TP73: variants seen among roughly 807,000 people sequenced by gnomAD.
The protein encoded by TP73 is p53-like transcription factor.
A neutral mutation model predicts 62.5 loss-of-function variants in TP73; 25 were observed. The ratio of observed to expected loss-of-function variants is 0.40; its 90% confidence interval spans 0.29 to 0.56. TP73 has a LOEUF of 0.56. TP73 is among the 20% of genes least tolerant of loss of function. TP73 has a pLI of 0.46. For missense variants in TP73, 754 were observed against 913.3 expected (o/e 0.83, Z 2.25); for synonymous variants, 423 against 377.5 (o/e 1.12, Z -1.40).
intron 3 of TP73, among the ~76,000 whole-genome samples, chr1:3,692,787 G>C (rs371635310): frequency 7.2e-5 from 11 of 152,108 alleles, no homozygotes; most frequent in African/African-American, 2.7e-4. Context: ...TCACCCTCTC[G>C]GGGGACTCCA....
chr1:3,705,008 G>A (rs1275697121), intron 3 of TP73, among the ~76,000 whole-genome samples: 1 of 152,226 alleles, frequency 6.6e-6, no homozygotes, highest in African/African-American at 2.4e-5. Context: ...AGCCAGGAGA[G>A]GCGAGGGTCA....
chr1:3,697,819 T>A (rs979023528), intron 3 of TP73, among the ~76,000 whole-genome samples: 2 of 152,202 alleles, frequency 1.3e-5, no homozygotes, highest in African/African-American at 4.8e-5. Flanking sequence ...TGAGCAAGCA[T>A]GCTGCTGTCT....
chr1:3,669,635 C>G (rs999255939), intron 1 of TP73, among the ~76,000 whole-genome samples: 2 of 152,260 alleles, frequency 1.3e-5, no homozygotes, highest in Non-Finnish European at 2.9e-5. Context: ...TTTGTGGCCC[C>G]GGAGCCTCTC....
intron 4 of TP73, among the ~76,000 whole-genome samples, chr1:3,716,145 C>A (rs1449390464): frequency 6.6e-6 from 1 of 152,192 alleles, no homozygotes; most frequent in African/African-American, 2.4e-5. Context: ...CTCTAGCAGG[C>A]CTCCGTCAGG....
chr1:3,686,238 C>T (rs563893115), intron 3 of TP73, among the ~76,000 whole-genome samples: 48 of 152,336 alleles, frequency 3.2e-4, no homozygotes, highest in Middle Eastern at 3.4e-3. Context: ...GCGTGCCTTC[C>T]GCATCTGGGG....
Position 3,698,182 on chromosome 1 carries a change from G to A in TP73, c.187-9367G>A, listed in dbSNP as rs543098369. 3.6e-5 allele frequency: 34 copies of A among 945,992 alleles called. No individual in the cohort carries two copies. The African/African-American group carries it at 6.0e-4, about 17-fold the overall frequency. 58.6% of individuals were successfully genotyped at this position (945,992 alleles called of 1,614,324 possible). On this transcript the variant is annotated intron_variant, in intron 3 of 13. Transcript: ENST00000378295. ...TGGATGGGCAGACAGATGGGCAGGG[G>A]CATGTGTGCAAGGACACAGGATGTC...
intron 6 of TP73, among the ~76,000 whole-genome samples, chr1:3,726,887 T>C (rs1641683824): frequency 6.9e-6 from 1 of 144,082 alleles, no homozygotes; most frequent in Admixed American, 6.8e-5. Context: ...GATGGATGAA[T>C]AGATAAATGG....
chr1:3,662,754 C>A lies in TP73; in HGVS notation c.-34+10113C>A, dbSNP rs985638374. On this transcript the variant is annotated intron_variant, in intron 1 of 13. Transcript: ENST00000378295. The surrounding 1 kb of genome is among the most constrained non-coding windows in gnomAD (Gnocchi z 4.4). Reference sequence around the variant, plus strand: ...CCAGGTGTCAGGGCTATGGAGGGGACATTGCAAGGGGGCCTAGAGGGGCCT... The same window carrying A: ...CCAGGTGTCAGGGCTATGGAGGGGAAATTGCAAGGGGGCCTAGAGGGGCCT... Among the ~76,000 whole-genome samples the A allele has an allele frequency of 2.6e-4, 40 of 152,184 alleles. No individual in the cohort carries two copies. Among genetic ancestry groups the A allele is most frequent in the African/African-American group, 9.4e-4 (39 of 41,526 alleles).
Position 3,699,796 on chromosome 1 carries a change from G to T in TP73, c.187-7753G>T, listed in dbSNP as rs145003030. Among the ~76,000 whole-genome samples the T allele has an allele frequency of 9.3e-4, 141 of 152,324 alleles. No individual in the cohort carries two copies. The highest frequency in any genetic ancestry group is 3.0e-3 in the African/African-American group (124 of 41,572). ...AGGGAGGCGGAGGTGGAGCTGGGGAGGGGCCAGCGGGGCGTCAGGATTTCA... is the reference window on the plus strand; with the variant it reads ...AGGGAGGCGGAGGTGGAGCTGGGGATGGGCCAGCGGGGCGTCAGGATTTCA... On this transcript the variant is annotated intron_variant, in intron 3 of 13. Coordinates refer to ENST00000378295, the MANE Select transcript of TP73 (RefSeq NM_005427.4). This position sits in a 1 kb window ranked among gnomAD's most constrained non-coding sequence, Gnocchi z 4.1.
chr1:3,684,792 A>G (rs1439564668), intron 3 of TP73, among the ~76,000 whole-genome samples: 1 of 151,788 alleles, frequency 6.6e-6, no homozygotes, highest in Non-Finnish European at 1.5e-5. Flanking sequence ...CCCAGTGGAA[A>G]CACTCGACAG....
chr1:3,664,975 TC>T (rs1295920505), intron 1 of TP73, among the ~76,000 whole-genome samples: 3 of 152,198 alleles, frequency 2.0e-5, no homozygotes, highest in Admixed American at 2.0e-4. Flanking sequence ...CAGGGTGAAG[TC>T]AGCCCCCAAA....
At chr1:3,720,335 A>G (rs1048989728) in intron 4 of TP73, among the ~76,000 whole-genome samples, 2 of 152,204 alleles carry the variant, frequency 1.3e-5, no homozygotes, top group African/African-American at 4.8e-5. Flanking sequence ...CCTGTGCCCA[A>G]GGTGGGGGTC....
Position 3,696,068 on chromosome 1 carries a change from A to C in TP73, c.187-11481A>C, listed in dbSNP as rs957772690. Among the ~76,000 whole-genome samples, 2 of 152,216 alleles carry C rather than the reference A, an allele frequency of 1.3e-5. No individual in the cohort carries two copies. Among genetic ancestry groups the C allele is most frequent in the Non-Finnish European group, 2.9e-5 (2 of 68,036 alleles). Reference sequence around the variant, plus strand: ...GCATAGCTGAGAAGGAGCCGCATGCAGGGAGGAGGACGACGAGCGAGCAGT... The same window carrying C: ...GCATAGCTGAGAAGGAGCCGCATGCCGGGAGGAGGACGACGAGCGAGCAGT... On this transcript the variant is annotated intron_variant, in intron 3 of 13. Coordinates refer to ENST00000378295, the MANE Select transcript of TP73 (RefSeq NM_005427.4). The surrounding 1 kb of genome is among the most constrained non-coding windows in gnomAD (Gnocchi z 4.1).
chr1:3,702,701 T>G (rs1639276408), intron 3 of TP73, among the ~76,000 whole-genome samples: 1 of 152,230 alleles, frequency 6.6e-6, no homozygotes, highest in South Asian at 2.1e-4. Context: ...CCGCTGGCTC[T>G]CTGGCTCCCG....
In TP73 at chr1:3,682,567, C is replaced by T. The variant is rs144604883; in HGVS notation, c.65+137C>T. 1.0e-3 allele frequency: 885 copies of T among 851,648 alleles called. 8 individuals carry two copies. The African/African-American group carries it at 0.014, about 13-fold the overall frequency. 52.8% of individuals were successfully genotyped at this position (851,648 alleles called of 1,614,324 possible). Reference sequence around the variant, plus strand: ...AGGACTCTGGGCTAGCCCCAGCCACCCTCACTGAGACTTTGGGCTAAACTT... The same window carrying T: ...AGGACTCTGGGCTAGCCCCAGCCACTCTCACTGAGACTTTGGGCTAAACTT... On this transcript the variant is annotated intron_variant, in intron 2 of 13. Transcript: ENST00000378295.
rs982538801 is a variant in TP73 at position 3,655,052 on chromosome 1, G to A, written c.-34+2411G>A. ...CACACCAAAGTGACATCGCGTACAC[G>A]GTGAACCCTGTGTTTGCAAAAAGTC... On this transcript the variant is annotated intron_variant, in intron 1 of 13. Transcript: ENST00000378295. Among the ~76,000 whole-genome samples, 3 of 152,198 alleles carry A rather than the reference G, an allele frequency of 2.0e-5. No individual in the cohort carries two copies. In the East Asian group the frequency reaches 5.8e-4, roughly 29 times the overall value.
At position 3,663,703 on chromosome 1, in the gene TP73, A is replaced by G. The variant is rs879631214; in HGVS notation, c.-34+11062A>G. Among the ~76,000 whole-genome samples, 988 of 150,826 alleles carry G rather than the reference A, an allele frequency of 6.6e-3. 10 individuals carry two copies. Among genetic ancestry groups the G allele is most frequent in the Non-Finnish European group, 0.011 (709 of 67,422 alleles). ...AATGCGAGACTCCATCTCAAAAAAA[A>G]AAAAAAAGAAAGAAAGAAAGGATAC... On this transcript the variant is annotated intron_variant, in intron 1 of 13. Transcript: ENST00000378295. This position sits in a 1 kb window ranked among gnomAD's most constrained non-coding sequence, Gnocchi z 4.7.
chr1:3,659,597 G>A (rs1644946311), intron 1 of TP73, among the ~76,000 whole-genome samples: 1 of 152,086 alleles, frequency 6.6e-6, no homozygotes, highest in Non-Finnish European at 1.5e-5. Context: ...CTAATATGGG[G>A]CGCACAATAT....
chr1:3,695,455 G>A (rs1444724390), intron 3 of TP73, among the ~76,000 whole-genome samples: 1 of 152,216 alleles, frequency 6.6e-6, no homozygotes, highest in Non-Finnish European at 1.5e-5. Context: ...GTGCACCCTT[G>A]GGCCTGGCCT....
Sources: gnomAD v4.1 joint callset for allele counts (sites outside exome capture counted in the v4.1 genomes callset) on GRCh38, gnomAD v4.1.1 for gene constraint, Gnocchi (gnomAD v3.1) non-coding constraint, MANE v1.5 for transcripts, NCBI Gene and HGNC (gene_info 2026-07-23, HGNC 2026-07-21) for gene names.